The following NTRK3 variants were observed in gnomAD, a reference collection of about 807,000 sequenced individuals.
NTRK3 encodes NT-3 growth factor receptor.
NTRK3 carries 24 observed loss-of-function variants against 91.7 expected under a neutral mutation model. The observed-to-expected ratio is 0.26, with a 90% CI of 0.19 to 0.37. NTRK3 has a LOEUF of 0.37. NTRK3 is among the 10% of genes least tolerant of loss of function. NTRK3 has a pLI of 1.00. For missense variants in NTRK3, 880 were observed against 1,068.9 expected (o/e 0.82, Z 2.46); for synonymous variants, 483 against 404.0 (o/e 1.20, Z -2.34).
At chr15:87,862,468 T>A (rs753204183) in exon 19 of NTRK3, 12 of 228,060 alleles carry the variant, frequency 5.3e-5, no homozygotes, top group Non-Finnish European at 9.6e-5. Flanking sequence ...ACAGAGGCAT[T>A]CAAAATGGAG....
chr15:88,208,886 G>GATCCTAGTGTGCA (rs11268322), intron 3 of NTRK3, among the ~76,000 whole-genome samples: 130,670 of 151,838 alleles, frequency 0.86, 56,400 homozygotes, highest in East Asian at 0.98. Context: ...TTCCTTAGGG[G>GATCCTAGTGTGCA]ATCAAGTTAG....
At chr15:88,006,122 T>C (rs1338909885) in intron 14 of NTRK3, among the ~76,000 whole-genome samples, 1 of 152,124 alleles carries the variant, frequency 6.6e-6, no homozygotes, top group East Asian at 1.9e-4. Flanking sequence ...AAGGAGAAAG[T>C]AAAAATGTTC....
At chr15:87,941,599 G>A (rs2069863466) in intron 14 of NTRK3, among the ~76,000 whole-genome samples, 1 of 152,122 alleles carries the variant, frequency 6.6e-6, no homozygotes, top group African/African-American at 2.4e-5. Context: ...ATTATCTGGG[G>A]GAAACCCCTA....
intron 13 of NTRK3, among the ~76,000 whole-genome samples, chr15:88,070,712 C>T (rs1567334267): frequency 6.6e-6 from 1 of 152,114 alleles, no homozygotes; most frequent in Non-Finnish European, 1.5e-5. Context: ...TCAACATCCA[C>T]CTAGGTCTGC....
chr15:88,155,913 GA>G (rs2043851869), intron 5 of NTRK3, among the ~76,000 whole-genome samples: 1 of 151,922 alleles, frequency 6.6e-6, no homozygotes, highest in Non-Finnish European at 1.5e-5. Context: ...TTCACTCTCA[GA>G]GCTCATCTCA....
At position 88,135,880 on chromosome 15, in the gene NTRK3, C is replaced by T. The variant is rs538763783; in HGVS notation, c.907+19G>A. 8 of 1,613,866 alleles carry T rather than the reference C, an allele frequency of 5.0e-6. No homozygotes were observed. The highest frequency in any genetic ancestry group is 6.8e-6 in the Non-Finnish European group (8 of 1,179,888). Reference sequence around the variant, plus strand: ...TTGCCCCTCACACACAGCCATCCCCCACAATAACATGCACTTACAGTAGAC... The same window carrying T: ...TTGCCCCTCACACACAGCCATCCCCTACAATAACATGCACTTACAGTAGAC... On this transcript the variant is annotated intron_variant, in intron 9 of 18. Transcript: ENST00000394480.
chr15:88,126,295 G>C (rs1227883416), exon 13 of NTRK3: 1 of 1,613,674 alleles, frequency 6.2e-7, no homozygotes, highest in Non-Finnish European at 8.5e-7. Context: ...TTGGACCGTC[G>C]ACCATATTTG....
At chr15:88,247,646 GCT>G (rs1280854930) in intron 3 of NTRK3, among the ~76,000 whole-genome samples, 1 of 152,190 alleles carries the variant, frequency 6.6e-6, no homozygotes, top group Non-Finnish European at 1.5e-5. Context: ...CATGACCTCA[GCT>G]CTCAGAAGTG....
intron 3 of NTRK3, among the ~76,000 whole-genome samples, chr15:88,254,199 C>T (rs2053749751): frequency 6.6e-6 from 1 of 152,172 alleles, no homozygotes; most frequent in Non-Finnish European, 1.5e-5. Flanking sequence ...CTACTACCCA[C>T]ATCCACCCCC....
chr15:88,073,445 G>C (rs1182216880), intron 13 of NTRK3, among the ~76,000 whole-genome samples: 1 of 152,124 alleles, frequency 6.6e-6, no homozygotes, highest in Non-Finnish European at 1.5e-5. Context: ...TCAGGGGTGG[G>C]GCCCAGAGGC....
intron 17 of NTRK3, among the ~76,000 whole-genome samples, chr15:87,906,222 T>C (rs2066753762): frequency 6.6e-6 from 1 of 152,224 alleles, no homozygotes; most frequent in Non-Finnish European, 1.5e-5. Flanking sequence ...ACTATAATAA[T>C]GTCTTCATGA....
At chr15:88,009,216 T>C (rs2076700003) in intron 14 of NTRK3, among the ~76,000 whole-genome samples, 1 of 152,204 alleles carries the variant, frequency 6.6e-6, no homozygotes, top group South Asian at 2.1e-4. Context: ...TGATATTAGC[T>C]AACATTGAAT....
At chr15:88,052,904 T>C (rs576644163) in intron 13 of NTRK3, among the ~76,000 whole-genome samples, 13 of 152,284 alleles carry the variant, frequency 8.5e-5, no homozygotes, top group African/African-American at 2.6e-4. Flanking sequence ...GGGTTATCTA[T>C]CAGCTGATCA....
intron 13 of NTRK3, among the ~76,000 whole-genome samples, chr15:88,088,156 C>A (rs932601262): frequency 3.9e-5 from 6 of 152,144 alleles, no homozygotes; most frequent in African/African-American, 1.2e-4. Flanking sequence ...TTGAATAAGT[C>A]ATGAAACCTT....
At chr15:87,878,654 A>T (rs1333840379) in intron 18 of NTRK3, among the ~76,000 whole-genome samples, 2 of 152,232 alleles carry the variant, frequency 1.3e-5, no homozygotes, top group Non-Finnish European at 2.9e-5. Context: ...GGAGAAACCG[A>T]TGATCAGAGA....
exon 19 of NTRK3, chr15:87,864,506 C>G (rs1175113941): frequency 8.7e-6 from 2 of 229,234 alleles, no homozygotes; most frequent in African/African-American, 4.4e-5. Flanking sequence ...AAATAATCAG[C>G]CTTGTCTTTA....
At chr15:88,202,861 T>G (rs574644204) in intron 3 of NTRK3, among the ~76,000 whole-genome samples, 1 of 152,326 alleles carries the variant, frequency 6.6e-6, no homozygotes, top group East Asian at 1.9e-4. Context: ...CTAGCATTGC[T>G]GATTCCCTAG....
chr15:87,941,811 G>A (rs765457331), intron 14 of NTRK3, among the ~76,000 whole-genome samples: 15 of 152,224 alleles, frequency 9.9e-5, no homozygotes, highest in East Asian at 1.9e-4. Context: ...AGAATGCTAC[G>A]AAGGAGTTGT....
chr15:88,156,678 C>T (rs1281979592), intron 5 of NTRK3, among the ~76,000 whole-genome samples: 5 of 152,190 alleles, frequency 3.3e-5, no homozygotes, highest in African/African-American at 9.7e-5. Context: ...TCTTTCCCTC[C>T]GCTTTCTCCC....
Sources: allele counts gnomAD v4.1 joint callset (sites outside exome capture counted in the v4.1 genomes callset), GRCh38; gene constraint gnomAD v4.1.1; transcripts MANE v1.5; gene names NCBI Gene and HGNC (gene_info 2026-07-23, HGNC 2026-07-21).